The following NPHP3 variants were observed in gnomAD, a reference collection of about 807,000 sequenced individuals.
NPHP3 encodes the protein nephrocystin 3.
In NPHP3, 123 loss-of-function variants were observed where a neutral mutation model predicts 171.9. The observed-to-expected ratio is 0.72, with a 90% confidence interval of 0.62 to 0.83. The LOEUF is 0.83. Ranked by LOEUF, NPHP3 falls within the 40% of genes least tolerant of loss-of-function variation. The pLI is 0.00. For synonymous variants in NPHP3, 558 were observed against 579.2 expected (o/e 0.96, Z 0.52); for missense variants, 1,506 against 1,591.9 (o/e 0.95, Z 0.92).
At chr3:132,701,651 C>G (rs1576673615) in intron 9 of NPHP3, 118 bp from the exon 10 acceptor site, 5 of 742,884 alleles carry the variant, frequency 6.7e-6, no homozygotes, top group Middle Eastern at 3.3e-4. Context: ...AAAATGAAAT[C>G]TATTTTTAGT....
intron 22 of NPHP3, 70 bp downstream of exon 22, chr3:132,687,081 G>C: frequency 1.3e-6 from 1 of 752,350 alleles, no homozygotes; most frequent in Non-Finnish European, 2.4e-6. Flanking sequence ...TAAACATGTG[G>C]GGTGTATGCA....
At chr3:132,715,949 A>G (rs997466545) in intron 4 of NPHP3, among the ~76,000 whole-genome samples, 4 of 152,244 alleles carry the variant, frequency 2.6e-5, no homozygotes, top group Non-Finnish European at 5.9e-5. Context: ...CTTACATAAA[A>G]TCATGTGGTG....
intron 4 of NPHP3, among the ~76,000 whole-genome samples, chr3:132,715,424 C>T (rs1318231757): frequency 6.6e-6 from 1 of 152,174 alleles, no homozygotes; most frequent in African/African-American, 2.4e-5. Flanking sequence ...ATGAATGTCA[C>T]CAGTGGTCTT....
intron 1 of NPHP3, 76 bp from the exon 2 acceptor site, chr3:132,719,906 A>G: frequency 8.1e-6 from 3 of 371,992 alleles, no homozygotes; most frequent in Non-Finnish European, 1.1e-5. Flanking sequence ...ATATATACAT[A>G]TATATATATA....
At position 132,708,227 on chromosome 3, in the gene NPHP3, A is replaced by C. The variant is rs747256150; in HGVS notation, c.1149T>G (p.Phe383Leu). The part of the protein sequence containing the change: ...SLLLEDCEEA[F>L]LKNPEGKPRL... ...GAGGTTTTCCTTCAGGGTTTTTCAG[A>C]AAAGCTTCTTCACAGTCTTCCAATA... The change falls in exon 7 of 27, where the codon TTT becomes TTG. Residue 383 changes from phenylalanine to leucine, a missense_variant. This residue lies in a region of NPHP3 where 930 missense variants were observed against 924.9 expected (regional missense o/e 1.01). Coordinates refer to ENST00000337331, the MANE Select transcript of NPHP3 (RefSeq NM_153240.5). 6.2e-7 allele frequency: 1 copy of C among 1,614,204 alleles called. No individual in the cohort carries two copies. The highest frequency in any genetic ancestry group is 1.3e-5 in the African/African-American group (1 of 75,060).
chr3:132,721,604 G>T (rs1000307539), intron 1 of NPHP3: 2 of 390,250 alleles, frequency 5.1e-6, no homozygotes, highest in Non-Finnish European at 9.9e-6. Flanking sequence ...ACACTTTCCG[G>T]CTAATTTCTT....
chr3:132,699,408 C>G lies in NPHP3; in HGVS notation c.1930G>C (p.Val644Leu). ...HMKWLIDPLP[V>L]NVRVIVSVNV... ...ACAGAAACAATTACTCTTACATTCA[C>G]TGGCAGTGGATCTATCAGCCATTTC... The change falls in exon 13 of 27, where the codon GTG becomes CTG. Residue 644 changes from valine to leucine, a missense_variant. Physicochemically the swap from Val to Leu is conservative, Grantham distance 32. Coordinates refer to ENST00000337331, the MANE Select transcript of NPHP3 (RefSeq NM_153240.5). The G allele has an allele frequency of 6.2e-7, 1 of 1,612,632 alleles. No individual in the cohort carries two copies. The highest frequency in any genetic ancestry group is 8.5e-7 in the Non-Finnish European group (1 of 1,179,878).
intron 13 of NPHP3, among the ~76,000 whole-genome samples, chr3:132,697,884 A>T (rs756725215): frequency 1.3e-5 from 2 of 152,158 alleles, no homozygotes; most frequent in African/African-American, 4.8e-5. Flanking sequence ...TGGTATTAAA[A>T]TTTCTTGGGG....
In NPHP3 at chr3:132,690,750, T is replaced by C. The variant is rs985370757; in HGVS notation, c.2571-100A>G. 3 of 1,176,022 alleles carry C rather than the reference T, an allele frequency of 2.6e-6. No individual in the cohort carries two copies. The Admixed American group carries it at 5.9e-5, about 23-fold the overall frequency. The allele number at this position is 1,176,022 out of a possible 1,614,324, so 72.8% of individuals were successfully genotyped here. A position where few individuals can be genotyped will look rare whatever the true frequency, so the allele number is the denominator to read the frequency against. On this transcript the variant is annotated intron_variant, in intron 18 of 26. Transcript: ENST00000337331. Reference sequence around the variant, plus strand: ...CAAAGGAAGAAAAATATTTAACATATATCTCTGATTCTTTAAGTATAATTT... The same window carrying C: ...CAAAGGAAGAAAAATATTTAACATACATCTCTGATTCTTTAAGTATAATTT...
chr3:132,717,170 T>C (rs1425849942), intron 3 of NPHP3: 2 of 401,122 alleles, frequency 5.0e-6, no homozygotes, highest in Admixed American at 4.2e-5. Flanking sequence ...AAAAAAGAAA[T>C]CATAATAAGA....
At chr3:132,712,786 T>A (rs1352236913) in intron 6 of NPHP3, among the ~76,000 whole-genome samples, 5 of 151,158 alleles carry the variant, frequency 3.3e-5, no homozygotes. Context: ...GAAAAAAAAA[T>A]TTATATATAT....
intron 19 of NPHP3, 139 bp downstream of exon 19, chr3:132,690,389 G>C: frequency 1.3e-6 from 1 of 767,934 alleles, no homozygotes; most frequent in South Asian, 1.8e-5. Flanking sequence ...TTTGTAAATT[G>C]TCTCAAGATT....
chr3:132,682,225 G>T, intron 26 of NPHP3, 135 bp from the exon 27 acceptor site: 1 of 763,744 alleles, frequency 1.3e-6, no homozygotes, highest in Non-Finnish European at 2.2e-6. Flanking sequence ...ATTCACTCAA[G>T]CAGACCAGTA....
chr3:132,685,765 A>T (rs1015833331), intron 23 of NPHP3: 2 of 158,364 alleles, frequency 1.3e-5, no homozygotes, highest in East Asian at 3.6e-4. Context: ...TTAAGAAACA[A>T]TGTGGGCCAG....
chr3:132,694,976 C>T lies in NPHP3; in HGVS notation c.2172-11G>A, dbSNP rs770522174. Reference sequence around the variant, plus strand: ...CCTGCTCTCCCAGCACTGTTGGAATCGAGAAGAGATTTAATTTCTTACAGA... The same window carrying T: ...CCTGCTCTCCCAGCACTGTTGGAATTGAGAAGAGATTTAATTTCTTACAGA... On this transcript the variant is annotated splice_polypyrimidine_tract_variant and intron_variant, in intron 15 of 26. Coordinates refer to ENST00000337331, the MANE Select transcript of NPHP3 (RefSeq NM_153240.5). 13 of 1,613,058 alleles carry T rather than the reference C, an allele frequency of 8.1e-6. No individual in the cohort carries two copies. Among genetic ancestry groups the T allele is most frequent in the East Asian group, 4.5e-5 (2 of 44,834 alleles).
Position 132,692,734 on chromosome 3 carries a change from A to G in NPHP3, c.2395T>C (p.Leu799=), listed in dbSNP as rs201015677. 41 of 1,614,082 alleles carry G rather than the reference A, an allele frequency of 2.5e-5. No individual in the cohort carries two copies. In the African/African-American group the frequency reaches 3.9e-4, roughly 15 times the overall value. ...ELYPEMSWTF[L]TSLIHSLYKM... is the part of the protein sequence containing the mutation. ...TATAAACTGTGAATAAGGGAGGTCA[A>G]GAAAGTCCAGGACATCTCAGGATAG... Residue 799 remains leucine (L), a synonymous_variant, in exon 17 of 27, where the codon TTG becomes CTG. Coordinates refer to ENST00000337331, the MANE Select transcript of NPHP3 (RefSeq NM_153240.5).
intron 1 of NPHP3, 46 bp downstream of exon 1, chr3:132,721,917 G>A (rs1243410994): frequency 5.0e-6 from 8 of 1,602,498 alleles, no homozygotes; most frequent in Non-Finnish European, 6.8e-6. Context: ...CAGGACGGCC[G>A]TGCTTCCCAA....
At chr3:132,709,432 G>A (rs57164873) in intron 6 of NPHP3, among the ~76,000 whole-genome samples, 2,210 of 151,902 alleles carry the variant, frequency 0.015, 39 homozygotes, top group African/African-American at 0.05. Context: ...ACAGGCACAC[G>A]CCACCACACC....
intron 6 of NPHP3, 116 bp from the exon 7 acceptor site, chr3:132,708,373 G>T: frequency 1.0e-6 from 1 of 967,788 alleles, no homozygotes; most frequent in Non-Finnish European, 1.6e-6. Context: ...GCCAGAAAAG[G>T]TCCAACTGCA....
Sources: gnomAD v4.1 joint callset for allele counts (sites outside exome capture counted in the v4.1 genomes callset) on GRCh38, gnomAD v4.1.1 for gene constraint, gnomAD v4.1.1 regional missense constraint, MANE v1.5 for transcripts, NCBI Gene and HGNC (gene_info 2026-07-23, HGNC 2026-07-21) for gene names.